SLC9A1: variants seen among roughly 807,000 people sequenced by gnomAD.
The protein encoded by SLC9A1 is sodium/hydrogen exchanger 1.
In SLC9A1, 22 loss-of-function variants were observed where a neutral mutation model predicts 67.9. The observed-to-expected ratio is 0.32, with a 90% confidence interval of 0.23 to 0.46. The LOEUF (loss-of-function observed/expected upper bound fraction) is 0.46, where lower values mean the gene tolerates loss of function less well. Ranked by LOEUF, SLC9A1 falls within the 20% of genes least tolerant of loss-of-function variation. The pLI is 1.00. For missense variants in SLC9A1, 686 were observed against 1,094.8 expected, an observed-to-expected ratio of 0.63 and a Z score of 5.27; for synonymous variants, 421 against 471.8, an observed-to-expected ratio of 0.89 and a Z score of 1.40.
intron 1 of SLC9A1, among the ~76,000 whole-genome samples, chr1:27,123,525 CAG>C (rs1266552885): frequency 2.0e-5 from 3 of 150,190 alleles, no homozygotes; most frequent in Admixed American, 6.6e-5. Flanking sequence ...TTTTTTTAGA[CAG>C]AGTCTCGCTC....
chr1:27,106,187 C>A lies in SLC9A1; in HGVS notation c.1283-100G>T. The A allele has an allele frequency of 1.3e-6, 1 of 771,972 alleles. No individual in the cohort carries two copies. The highest frequency in any genetic ancestry group is 2.6e-5 in the East Asian group (1 of 38,378). The allele number at this position is 771,972 out of a possible 1,614,324, so 47.8% of individuals were successfully genotyped here. A position where few individuals can be genotyped will look rare whatever the true frequency, so the allele number is the denominator to read the frequency against. ...TTTCTCTGTGCATCCAGGAAGTCTC[C>A]ATTACGAAGCCCACCCCGCTCACTC... On this transcript the variant is annotated intron_variant, in intron 4 of 11. Coordinates refer to ENST00000263980, the MANE Select transcript of SLC9A1 (RefSeq NM_003047.5). This position sits in a 1 kb window ranked among gnomAD's most constrained non-coding sequence, Gnocchi z 4.3.
rs1261630765 is a variant in SLC9A1, at chr1:27,106,104, G to C, written c.1283-17C>G. The C allele has an allele frequency of 6.4e-6, 10 of 1,568,598 alleles. 1 individual carries two copies. The highest frequency in any genetic ancestry group is 2.2e-5 in the East Asian group (1 of 44,584). ...CCAGCACCCCTGCAGGGGAAGGCAG[G>C]GGGTGATGAGGGTCAGGTCGGGCTG... On this transcript the variant is annotated splice_polypyrimidine_tract_variant and intron_variant, in intron 4 of 11. Coordinates refer to ENST00000263980, the MANE Select transcript of SLC9A1 (RefSeq NM_003047.5). This position sits in a 1 kb window ranked among gnomAD's most constrained non-coding sequence, Gnocchi z 4.3.
chr1:27,129,579 TA>T (rs2083371250), intron 1 of SLC9A1, among the ~76,000 whole-genome samples: 1 of 152,112 alleles, frequency 6.6e-6, no homozygotes, highest in Non-Finnish European at 1.5e-5. Context: ...AGTCAGAGAT[TA>T]GAAGAGGGAG....
intron 1 of SLC9A1, among the ~76,000 whole-genome samples, chr1:27,134,933 C>T (rs894973722): frequency 6.6e-6 from 1 of 150,974 alleles, no homozygotes; most frequent in African/African-American, 2.4e-5. Context: ...GATGGGGTTT[C>T]ACCATGTTGG....
chr1:27,145,073 GAAAA>G (rs952148589), intron 1 of SLC9A1, among the ~76,000 whole-genome samples: 1 of 96,980 alleles, frequency 1.0e-5, no homozygotes, highest in Non-Finnish European at 2.3e-5. Flanking sequence ...AAGGAAAAAG[GAAAA>G]AAAAAAAAAA....
At chr1:27,120,346 A>G (rs1046202062) in intron 1 of SLC9A1, among the ~76,000 whole-genome samples, 3 of 151,594 alleles carry the variant, frequency 2.0e-5, no homozygotes, top group East Asian at 4.0e-4. Context: ...GGCTGGTCTC[A>G]AACTCCTGAC....
rs763088415 is a variant in SLC9A1, at chr1:27,100,380, T to C, written c.2375A>G (p.Gln792Arg). Residue 792 changes from glutamine to arginine, a missense_variant, in exon 12 of 12, where the codon CAG becomes CGG. By Grantham distance (43) the Gln-to-Arg change is conservative. Coordinates refer to ENST00000263980, the MANE Select transcript of SLC9A1 (RefSeq NM_003047.5). This position sits in a 1 kb window ranked among gnomAD's most constrained non-coding sequence, Gnocchi z 5.6. ...TGGGCCTGGGTCACTGAGGCAGCGCTGTATCCTCTGGGAGCTGGGGCTGTC... is the reference window on the plus strand; with the variant it reads ...TGGGCCTGGGTCACTGAGGCAGCGCCGTATCCTCTGGGAGCTGGGGCTGTC... ...PSDSPSSQRI[Q>R]RCLSDPGPHP... The C allele has an allele frequency of 1.9e-6, 3 of 1,591,472 alleles. No homozygotes were observed. In the Admixed American group the frequency reaches 5.1e-5, roughly 27 times the overall value.
chr1:27,102,931 G>C (rs376180689), intron 6 of SLC9A1, 188 bp from the exon 7 acceptor site: 1 of 633,586 alleles, frequency 1.6e-6, no homozygotes. Context: ...TGGGTATCTC[G>C]AAGCCTTGCC....
intron 1 of SLC9A1, among the ~76,000 whole-genome samples, chr1:27,124,721 T>A (rs561632025): frequency 2.6e-5 from 4 of 152,274 alleles, no homozygotes; most frequent in Admixed American, 1.3e-4. Context: ...TTGTGTGCCC[T>A]CACAGCATCT....
rs371832138 is a variant in SLC9A1, at chr1:27,114,316, G to C, written c.353-30C>G. 158 of 1,573,308 alleles carry C rather than the reference G, an allele frequency of 1.0e-4. No individual in the cohort carries two copies. Among genetic ancestry groups the C allele is most frequent in the Non-Finnish European group, 1.3e-4 (149 of 1,150,844 alleles). On this transcript the variant is annotated intron_variant, in intron 1 of 11. Transcript: ENST00000263980. The surrounding 1 kb of genome is among the most constrained non-coding windows in gnomAD (Gnocchi z 5.4). ...GGAGGGCGAGAGAACGGGAGGCCAT[G>C]GGCTTTCGGAGGAGCCAGGAGAATA...
intron 4 of SLC9A1, among the ~76,000 whole-genome samples, chr1:27,107,324 AAC>A (rs1220562139): frequency 2.3e-5 from 2 of 87,878 alleles, no homozygotes; most frequent in Admixed American, 1.2e-4. Context: ...CCCTCCACAC[AAC>A]ACACACATAT....
rs2083551912 is a variant in SLC9A1 at position 27,154,329 on chromosome 1, AAC to A, written c.4_5del (p.Val2SerfsTer73). On this transcript the variant is annotated frameshift_variant, in exon 1 of 12. Transcript: ENST00000263980. LOFTEE classifies it high-confidence loss of function. Reference sequence around the variant, plus strand: ...AGAGGCCACAGATGCCAGACCGCAGAACCATGGTGCTGCTTCCAGAGCCAGCC... The same window carrying A: ...AGAGGCCACAGATGCCAGACCGCAGACATGGTGCTGCTTCCAGAGCCAGCC... M[V>X]LRSGICGLSP... 2 of 1,582,716 alleles carry A rather than the reference AAC, an allele frequency of 1.3e-6. No individual in the cohort carries two copies. Among genetic ancestry groups the A allele is most frequent in the Admixed American group, 3.5e-5 (2 of 57,610 alleles).
rs1006316437 is a variant in SLC9A1, at chr1:27,109,031, C to G, written c.1064+496G>C. Among the ~76,000 whole-genome samples, 2 of 152,144 alleles carry G rather than the reference C, an allele frequency of 1.3e-5. No individual in the cohort carries two copies. The highest frequency in any genetic ancestry group is 2.4e-5 in the African/African-American group (1 of 41,440). ...TCTGCCTTGCTCGGCACTGGAACAC[C>G]TTCACCCCTCACTGCCTCCCCACAT... On this transcript the variant is annotated intron_variant, in intron 3 of 11. Coordinates refer to ENST00000263980, the MANE Select transcript of SLC9A1 (RefSeq NM_003047.5). The surrounding 1 kb of genome is among the most constrained non-coding windows in gnomAD (Gnocchi z 5.5).
At chr1:27,141,528 A>G (rs4631721) in intron 1 of SLC9A1, among the ~76,000 whole-genome samples, 55,881 of 152,060 alleles carry the variant, frequency 0.37, 10,856 homozygotes, top group African/African-American at 0.46. Context: ...CAGGTACGAA[A>G]TTCTCTCTCC....
At chr1:27,133,091 G>A (rs577889077) in intron 1 of SLC9A1, among the ~76,000 whole-genome samples, 4 of 150,922 alleles carry the variant, frequency 2.7e-5, no homozygotes, top group South Asian at 2.1e-4. Flanking sequence ...TTTTTGAGAC[G>A]GAGTCTCACT....
At chr1:27,152,261 T>G (rs1010052056) in intron 1 of SLC9A1, among the ~76,000 whole-genome samples, 7 of 151,804 alleles carry the variant, frequency 4.6e-5, no homozygotes, top group African/African-American at 1.7e-4. Context: ...CTGCCTAGAG[T>G]GGGGTCTCTG....
At chr1:27,140,060 C>A (rs112371547) in intron 1 of SLC9A1, among the ~76,000 whole-genome samples, 1 of 151,764 alleles carries the variant, frequency 6.6e-6, no homozygotes, top group Admixed American at 6.6e-5. Flanking sequence ...CCCAAAGTGC[C>A]GGGATTACAG....
At chr1:27,136,769 A>G (rs1036401785) in intron 1 of SLC9A1, among the ~76,000 whole-genome samples, 1 of 152,188 alleles carries the variant, frequency 6.6e-6, no homozygotes, top group African/African-American at 2.4e-5. Context: ...ATAATTATCC[A>G]TGGAAGGAGG....
rs1465731918 is a variant in SLC9A1 at position 27,103,321 on chromosome 1, C to T, written c.1486-9G>A. On this transcript the variant is annotated splice_polypyrimidine_tract_variant and intron_variant, in intron 5 of 11. Transcript: ENST00000263980. ...GGCCGAATGGTCATGCCCTGGGGGG[C>T]AGGCAGGTGTCAGGCACTCCAGTTC... 4 of 1,607,456 alleles carry T rather than the reference C, an allele frequency of 2.5e-6. No homozygotes were observed. Among genetic ancestry groups the T allele is most frequent in the Non-Finnish European group, 3.4e-6 (4 of 1,174,172 alleles).
Sources: gnomAD v4.1 joint callset for allele counts (sites outside exome capture counted in the v4.1 genomes callset) on GRCh38, gnomAD v4.1.1 for gene constraint, Gnocchi (gnomAD v3.1) non-coding constraint, MANE v1.5 for transcripts, NCBI Gene and HGNC (gene_info 2026-07-23, HGNC 2026-07-21) for gene names.